The following ANO3 variants were observed in gnomAD, a reference collection of about 807,000 sequenced individuals.
ANO3 encodes anoctamin-3.
A neutral mutation model predicts 144.8 loss-of-function variants in ANO3; 99 were observed. The ratio of observed to expected loss-of-function variants is 0.68; its 90% CI spans 0.58 to 0.81. The LOEUF is 0.81. Ranked by LOEUF, ANO3 falls within the 30% of genes least tolerant of loss-of-function variation. The pLI is 0.00. For synonymous variants in ANO3, 414 were observed against 392.6 expected, an observed-to-expected ratio of 1.05 and a Z score of -0.64; for missense variants, 905 against 1,202.2, an observed-to-expected ratio of 0.75 and a Z score of 3.66.
chr11:26,639,443 A>G (rs1416542965), intron 21 of ANO3, among the ~76,000 whole-genome samples: 1 of 152,214 alleles, frequency 6.6e-6, no homozygotes, highest in Non-Finnish European at 1.5e-5. Context: ...TCAACAATAT[A>G]TCTACCTCAA....
At chr11:26,423,309 C>CTTT (rs142064982) in intron 1 of ANO3, among the ~76,000 whole-genome samples, 39,172 of 134,852 alleles carry the variant, frequency 0.29, 7,574 homozygotes, top group East Asian at 0.56. Flanking sequence ...TACCTTTATA[C>CTTT]TTTTTTTTTT....
At position 26,310,408 on chromosome 11, in the gene ANO3, A is replaced by C. The variant is rs1358189277; in HGVS notation, c.-3+689A>C. 3.9e-5 allele frequency among the ~76,000 whole-genome samples: 6 copies of C among 152,210 alleles called. No homozygotes were observed. The East Asian group carries it at 1.2e-3, about 29-fold the overall frequency. ...GATCATTCAGAAGGTAGCTATTCAC[A>C]TGAGAAAACATAAAATAGAGAGTTA... On this transcript the variant is annotated intron_variant, in intron 1 of 26. Transcript: ENST00000525139.
At chr11:26,204,518 A>G (rs956117309) in intron 1 of ANO3, among the ~76,000 whole-genome samples, 1 of 152,012 alleles carries the variant, frequency 6.6e-6, no homozygotes, top group African/African-American at 2.4e-5. Flanking sequence ...CCTGAGAATA[A>G]TTTTTTCACT....
chr11:26,652,984 C>G (rs1230041078), intron 24 of ANO3, among the ~76,000 whole-genome samples: 1 of 152,210 alleles, frequency 6.6e-6, no homozygotes, highest in Non-Finnish European at 1.5e-5. Flanking sequence ...TGCTACCCCA[C>G]CAGCCACACC....
At chr11:26,255,386 T>C (rs1223073925) in intron 1 of ANO3, among the ~76,000 whole-genome samples, 1 of 152,176 alleles carries the variant, frequency 6.6e-6, no homozygotes, top group African/African-American at 2.4e-5. Context: ...CCAACTCAGA[T>C]ACTTTTTTGG....
At position 26,544,275 on chromosome 11, in the gene ANO3, CACACAT is replaced by C. The variant is rs200427915; in HGVS notation, c.1154+2213_1154+2218del. On this transcript the variant is annotated intron_variant, in intron 11 of 26. Coordinates refer to ENST00000256737, the MANE Select transcript of ANO3 (RefSeq NM_031418.4). ...ACATATATATATATATATATATATACACACATACACACACACACACACATATGTATA... is the reference window on the plus strand; with the variant it reads ...ACATATATATATATATATATATATACACACACACACACACACATATGTATA... Among the ~76,000 whole-genome samples, 93 of 45,258 alleles carry C rather than the reference CACACAT, an allele frequency of 2.1e-3. 4 individuals are homozygous for C. The highest frequency in any genetic ancestry group is 5.9e-3 in the African/African-American group (89 of 15,012). 29.7% of individuals were successfully genotyped at this position (45,258 alleles called of 152,430 possible). A position where few individuals can be genotyped will look rare whatever the true frequency, so the allele number is the denominator to read the frequency against.
At chr11:26,388,215 T>G (rs2133958881) in intron 1 of ANO3, among the ~76,000 whole-genome samples, 1 of 151,902 alleles carries the variant, frequency 6.6e-6, no homozygotes, top group East Asian at 1.9e-4. Flanking sequence ...AACCCAGAAA[T>G]ACATTAAAAT....
intron 17 of ANO3, among the ~76,000 whole-genome samples, chr11:26,623,693 A>G (rs943687092): frequency 1.3e-5 from 2 of 152,106 alleles, no homozygotes; most frequent in African/African-American, 4.8e-5. Flanking sequence ...AAATTTCTTT[A>G]TCAGTAGGGC....
chr11:26,324,734 G>A lies in ANO3; in HGVS notation c.-3+15015G>A, dbSNP rs574476178. ...GCCAGCCAGTAGGCTGGGAACCCAA[G>A]GAAGAGCTGATGTTTCAATCTTGAG... On this transcript the variant is annotated intron_variant, in intron 1 of 26. Coordinates refer to the ANO3 transcript ENST00000525139. 1.1e-3 allele frequency among the ~76,000 whole-genome samples: 166 copies of A among 152,290 alleles called. 1 individual carries two copies. Among genetic ancestry groups the A allele is most frequent in the Middle Eastern group, 3.4e-3 (1 of 294 alleles).
At chr11:26,322,059 C>T (rs1175793377) in intron 1 of ANO3, among the ~76,000 whole-genome samples, 2 of 151,980 alleles carry the variant, frequency 1.3e-5, no homozygotes, top group Non-Finnish European at 2.9e-5. Flanking sequence ...ATGATTCTTA[C>T]TTTTGATCCT....
At chr11:26,257,454 A>G (rs111537027) in intron 1 of ANO3, among the ~76,000 whole-genome samples, 57 of 152,112 alleles carry the variant, frequency 3.7e-4, no homozygotes, top group Middle Eastern at 3.4e-3. Flanking sequence ...GGCCCTGCAC[A>G]CTCAATGGTT....
rs145008747 is a variant in ANO3 at position 26,533,088 on chromosome 11, A to C, written c.870-1368A>C. On this transcript the variant is annotated intron_variant, in intron 8 of 26. Coordinates refer to ENST00000256737, the MANE Select transcript of ANO3 (RefSeq NM_031418.4). ...CCAAGTACAGAGATAAGAATACTGG[A>C]GGAATTCAGAGTCTAACAAAATAGA... 2.6e-3 allele frequency among the ~76,000 whole-genome samples: 400 copies of C among 152,324 alleles called. 1 individual carries two copies. The highest frequency in any genetic ancestry group is 9.1e-3 in the African/African-American group (378 of 41,582).
At chr11:26,321,722 G>T (rs1362157137) in intron 1 of ANO3, among the ~76,000 whole-genome samples, 1 of 151,982 alleles carries the variant, frequency 6.6e-6, no homozygotes, top group Non-Finnish European at 1.5e-5. Context: ...TAAGAAGTCT[G>T]ATGTCAATCT....
At chr11:26,344,524 C>G (rs547692147) in intron 1 of ANO3, among the ~76,000 whole-genome samples, 3 of 152,034 alleles carry the variant, frequency 2.0e-5, no homozygotes, top group African/African-American at 7.2e-5. Context: ...TGCCACCATG[C>G]CGGCTGATTT....
rs555777445 is a variant in ANO3 at position 26,482,628 on chromosome 11, G to C, written c.432+19480G>C. Among the ~76,000 whole-genome samples the C allele has an allele frequency of 1.1e-3, 169 of 152,116 alleles. 1 individual carries two copies. In the Middle Eastern group the frequency reaches 0.014, roughly 12 times the overall value. On this transcript the variant is annotated intron_variant, in intron 4 of 26. Transcript: ENST00000256737. ...AACATTATCTTTGTTTATTTGTATA[G>C]ATTTAAGGGGTACAAGAGCAGTTTT... is the stretch of plus-strand genomic sequence containing the variant.
At chr11:26,243,182 C>CGTTTTCAGAAGGTTGTTGCCAGGCTGG (rs932508131) in intron 1 of ANO3, among the ~76,000 whole-genome samples, 3 of 152,066 alleles carry the variant, frequency 2.0e-5, no homozygotes, top group African/African-American at 7.2e-5. Context: ...AAACAATACA[C>CGTTTTCAGAAGGTTGTTGCCAGGCTGG]GTTTTCAGAA....
chr11:26,445,963 C>G (rs1590365477), intron 3 of ANO3, among the ~76,000 whole-genome samples: 1 of 152,022 alleles, frequency 6.6e-6, no homozygotes, highest in Non-Finnish European at 1.5e-5. Context: ...TCCCGAGTAG[C>G]TGGGACTACA....
chr11:26,197,964 G>T (rs1399937565), intron 1 of ANO3, among the ~76,000 whole-genome samples: 1 of 152,144 alleles, frequency 6.6e-6, no homozygotes, highest in Non-Finnish European at 1.5e-5. Flanking sequence ...GAGCCCCTGT[G>T]CCTTCTCTGT....
At chr11:26,383,198 G>A (rs1344841453) in intron 1 of ANO3, among the ~76,000 whole-genome samples, 1 of 152,082 alleles carries the variant, frequency 6.6e-6, no homozygotes, top group African/African-American at 2.4e-5. Context: ...TCACTTCTGA[G>A]ATAGATATTA....
Sources: allele counts gnomAD v4.1 joint callset (sites outside exome capture counted in the v4.1 genomes callset), GRCh38; gene constraint gnomAD v4.1.1; transcripts MANE v1.5; gene names NCBI Gene and HGNC (gene_info 2026-07-23, HGNC 2026-07-21).